Variants in GDF1 observed in about 807,000 individuals in gnomAD.
GDF1 encodes embryonic growth/differentiation factor 1.
Under a neutral mutation model 7.4 loss-of-function variants are expected in GDF1, and 8 were observed. The ratio of observed to expected loss-of-function variants is 1.09; its 90% confidence interval spans 0.64 to 1.96. The LOEUF (loss-of-function observed/expected upper bound fraction) is 1.96, where lower values mean the gene tolerates loss of function less well. GDF1 is among the 30% of genes most tolerant of loss of function. The pLI, the probability that GDF1 is intolerant of heterozygous loss-of-function variation, is 0.00. For synonymous variants in GDF1, 311 were observed against 276.7 expected, an observed-to-expected ratio of 1.12 and a Z score of -1.23; for missense variants, 574 against 551.5, an observed-to-expected ratio of 1.04 and a Z score of -0.41.
chr19:18,888,886 TTTC>T (rs1486390764), intron 2 of GDF1, among the ~76,000 whole-genome samples: 1 of 147,138 alleles, frequency 6.8e-6, no homozygotes, highest in African/African-American at 2.5e-5. Context: ...AATTTCTTTC[TTTC>T]TTTTTTTTTT....
In GDF1 at chr19:18,868,614, C is replaced by T. The variant is rs369804280; in HGVS notation, c.1102G>A (p.Glu368Lys). The change falls in exon 8 of 8, where the codon GAG becomes AAG. Residue 368 changes from glutamate (E) to lysine (K), a missense_variant. Coordinates refer to ENST00000247005, the MANE Select transcript of GDF1 (RefSeq NM_001492.6). ...GCCCCGGGTTAGCGGCAGCCGCACT[C>T]GTCCACCACCATGTCCTCATACTGC... ...LRQYEDMVVD[E>K]CGCR 8.3e-5 allele frequency: 130 copies of T among 1,564,150 alleles called. No individual in the cohort carries two copies. The highest frequency in any genetic ancestry group is 1.1e-4 in the Non-Finnish European group (122 of 1,154,538).
chr19:18,873,724 C>G (rs2056014797), intron 6 of GDF1, among the ~76,000 whole-genome samples: 1 of 151,860 alleles, frequency 6.6e-6, no homozygotes, highest in African/African-American at 2.4e-5. Flanking sequence ...GCCTGTAATC[C>G]CAGCTACTCG....
In GDF1 at chr19:18,895,353, T is replaced by C. The variant is rs1291189770; in HGVS notation, c.-1074+471A>G. Among the ~76,000 whole-genome samples the C allele has an allele frequency of 6.6e-6, 1 of 152,174 alleles. No individual in the cohort carries two copies. The highest frequency in any genetic ancestry group is 1.5e-5 in the Non-Finnish European group (1 of 68,020). On this transcript the variant is annotated intron_variant, in intron 1 of 7. Transcript: ENST00000247005. The surrounding 1 kb of genome is among the most constrained non-coding windows in gnomAD (Gnocchi z 6.4). ...GCAGCCCGCATGGCAGGGAGGCGCA[T>C]GGCGCAGGCCGCGGTGCGCCGAGCC...
rs2056545788 is a variant in GDF1 at position 18,893,452 on chromosome 19, A to T, written c.-950T>A. On this transcript the variant is annotated 5_prime_UTR_variant, in exon 2 of 8. Coordinates refer to ENST00000247005, the MANE Select transcript of GDF1 (RefSeq NM_001492.6). ...GATGGTGGGTCATGGAAGAAGGGGT[A>T]GTCGGTGCCAAACAGCAGGTAGGCA... 6.2e-7 allele frequency: 1 copy of T among 1,606,300 alleles called. No homozygotes were observed. The highest frequency in any genetic ancestry group is 1.1e-5 in the South Asian group (1 of 89,512).
chr19:18,874,125 C>G (rs925534078), intron 6 of GDF1, among the ~76,000 whole-genome samples: 1 of 152,166 alleles, frequency 6.6e-6, no homozygotes, highest in Non-Finnish European at 1.5e-5. Context: ...GAGAGAGGGA[C>G]TGTTGTCCAC....
At chr19:18,887,606 A>G (rs1319899285) in intron 2 of GDF1, among the ~76,000 whole-genome samples, 2 of 152,010 alleles carry the variant, frequency 1.3e-5, no homozygotes, top group Non-Finnish European at 2.9e-5. Context: ...TTAGCTGGGC[A>G]TGGTGGCGCA....
At position 18,868,580 on chromosome 19, in the gene GDF1, T is replaced by TCC; in HGVS notation, c.*15_*16dup. ...CGCGGCATTTATTGTTGGGCCCGCG[T>TCC]CCCTGCCCGCCCCGGGTTAGCGGCA... On this transcript the variant is annotated 3_prime_UTR_variant, in exon 8 of 8. Transcript: ENST00000247005. The TCC allele has an allele frequency of 6.5e-7, 1 of 1,537,822 alleles. No individual in the cohort carries two copies. Among genetic ancestry groups the TCC allele is most frequent in the Non-Finnish European group, 8.8e-7 (1 of 1,135,412 alleles).
chr19:18,868,774 C>T lies in GDF1; in HGVS notation c.942G>A (p.Ala314=). The T allele has an allele frequency of 1.4e-6, 2 of 1,470,384 alleles. No individual in the cohort carries two copies. Among genetic ancestry groups the T allele is most frequent in the Admixed American group, 2.2e-5 (1 of 45,354 alleles). The allele number at this position is 1,470,384 out of a possible 1,614,324, so 91.1% of individuals were successfully genotyped here. A position where few individuals can be genotyped will look rare whatever the true frequency, so the allele number is the denominator to read the frequency against. ...GCGCGCGCAGCACAGCGTGGTTGAG[C>T]GCCGGCGGCCCCCCGGACCCCGACA... The part of the protein sequence containing the change: ...VALSGSGGPP[A]LNHAVLRALM... Residue 314 remains alanine (A), a synonymous_variant, in exon 8 of 8, where the codon GCG becomes GCA. Coordinates refer to ENST00000247005, the MANE Select transcript of GDF1 (RefSeq NM_001492.6).
In GDF1 at chr19:18,869,360, G is replaced by C; in HGVS notation, c.356C>G (p.Ser119Trp). 6.5e-7 allele frequency: 1 copy of C among 1,532,112 alleles called. No individual in the cohort carries two copies. The highest frequency in any genetic ancestry group is 8.7e-7 in the Non-Finnish European group (1 of 1,146,618). 94.9% of individuals were successfully genotyped at this position (1,532,112 alleles called of 1,614,324 possible). Residue 119 changes from serine to tryptophan, a missense_variant, in exon 8 of 8, where the codon TCG (serine) becomes TGG (tryptophan). By Grantham distance (177) the Ser-to-Trp change is radical. Coordinates refer to ENST00000247005, the MANE Select transcript of GDF1 (RefSeq NM_001492.6). ...GAPTRASEPA[S>W]AAGHCPEWTV... ...CCACTCAGGGCAATGCCCCGCGGCCGAGGCAGGCTCCGAGGCCCGGGTGGG... is the reference window on the plus strand; with the variant it reads ...CCACTCAGGGCAATGCCCCGCGGCCCAGGCAGGCTCCGAGGCCCGGGTGGG...
At chr19:18,890,320 T>C (rs562820591) in intron 2 of GDF1, among the ~76,000 whole-genome samples, 4 of 152,358 alleles carry the variant, frequency 2.6e-5, no homozygotes, top group Admixed American at 6.5e-5. Context: ...TTGCTGTTGA[T>C]AGACTGCGTA....
In GDF1 at chr19:18,869,234, C is replaced by T; in HGVS notation, c.482G>A (p.Gly161Asp). The change falls in exon 8 of 8, where the codon GGC becomes GAC. Residue 161 changes from glycine (G) to aspartate (D), a missense_variant. Coordinates refer to ENST00000247005, the MANE Select transcript of GDF1 (RefSeq NM_001492.6). ...TTGCGCCACGCTCAGCTCCCAGCCG[C>T]CCTCCGGGGCTGCCGCCGCCGCCGC... ...FAAAAAAAPE[G>D]GWELSVAQAG... The T allele has an allele frequency of 7.2e-7, 1 of 1,396,748 alleles. No homozygotes were observed. The highest frequency in any genetic ancestry group is 9.2e-7 in the Non-Finnish European group (1 of 1,087,140). The allele number at this position is 1,396,748 out of a possible 1,614,324, so 86.5% of individuals were successfully genotyped here. A position where few individuals can be genotyped will look rare whatever the true frequency, so the allele number is the denominator to read the frequency against.
At chr19:18,875,903 T>C (rs1210302464) in intron 6 of GDF1, among the ~76,000 whole-genome samples, 1 of 152,234 alleles carries the variant, frequency 6.6e-6, no homozygotes, top group African/African-American at 2.4e-5. Context: ...GATCCTCGCT[T>C]AGAGTTCCCA....
In GDF1 at chr19:18,884,091, A is replaced by C. The variant is rs1184304135; in HGVS notation, c.-737T>G. The C allele has an allele frequency of 3.7e-6, 6 of 1,611,940 alleles. No individual in the cohort carries two copies. The highest frequency in any genetic ancestry group is 5.1e-6 in the Non-Finnish European group (6 of 1,178,704). Reference sequence around the variant, plus strand: ...GCCACCCGATCCTGTCCTTACCGGAAGGCGTAGGAGGAGACGATGAGGATG... The same window carrying C: ...GCCACCCGATCCTGTCCTTACCGGACGGCGTAGGAGGAGACGATGAGGATG... On this transcript the variant is annotated 5_prime_UTR_variant, in exon 3 of 8. Coordinates refer to ENST00000247005, the MANE Select transcript of GDF1 (RefSeq NM_001492.6).
intron 2 of GDF1, among the ~76,000 whole-genome samples, chr19:18,890,003 G>T (rs931268395): frequency 7.9e-5 from 12 of 152,164 alleles, no homozygotes; most frequent in Non-Finnish European, 1.6e-4. Context: ...TCAGGCTCCA[G>T]CTCCTGCTGT....
intron 2 of GDF1, among the ~76,000 whole-genome samples, chr19:18,893,119 T>C (rs1449899861): frequency 6.6e-6 from 1 of 152,130 alleles, no homozygotes; most frequent in Non-Finnish European, 1.5e-5. Flanking sequence ...TTCACCATGT[T>C]AGCCAGGATG....
Position 18,869,389 on chromosome 19 carries a change from A to C in GDF1, c.327T>G (p.Gly109=). Residue 109 remains glycine, a splice_region_variant and synonymous_variant, in exon 8 of 8, where the codon GGT becomes GGG. Coordinates refer to ENST00000247005, the MANE Select transcript of GDF1 (RefSeq NM_001492.6). The part of the protein sequence containing the change: ...GNIVRHIPDR[G]APTRASEPAS... ...CAGGCTCCGAGGCCCGGGTGGGCGC[A>C]CCTGGGGAGGTAGGAACAGGAACTC... The C allele has an allele frequency of 1.3e-6, 2 of 1,528,308 alleles. No homozygotes were observed. The highest frequency in any genetic ancestry group is 1.7e-6 in the Non-Finnish European group (2 of 1,144,304). The allele number at this position is 1,528,308 out of a possible 1,614,324, so 94.7% of individuals were successfully genotyped here.
At chr19:18,880,847 A>T (rs1013631533) in intron 3 of GDF1, among the ~76,000 whole-genome samples, 1 of 152,048 alleles carries the variant, frequency 6.6e-6, no homozygotes, top group African/African-American at 2.4e-5. Flanking sequence ...ACAGGAAAGC[A>T]ACACCACACA....
chr19:18,869,449 C>G, intron 7 of GDF1, 59 bp from the exon 8 acceptor site: 16 of 1,511,146 alleles, frequency 1.1e-5, no homozygotes, highest in Non-Finnish European at 1.4e-5. Context: ...CCCATGGGGT[C>G]TCGGTTAGGG....
chr19:18,880,148 C>T, intron 4 of GDF1, 126 bp downstream of exon 4: 1 of 993,284 alleles, frequency 1.0e-6, no homozygotes, highest in East Asian at 2.7e-5. Context: ...GGCCCCTCCC[C>T]TGTCATGCCA....
Sources: gnomAD v4.1 joint callset for allele counts (sites outside exome capture counted in the v4.1 genomes callset) on GRCh38, gnomAD v4.1.1 for gene constraint, Gnocchi (gnomAD v3.1) non-coding constraint, MANE v1.5 for transcripts, NCBI Gene and HGNC (gene_info 2026-07-23, HGNC 2026-07-21) for gene names.